FGF14: variants seen among roughly 807,000 people sequenced by gnomAD.
The protein encoded by FGF14 is fibroblast growth factor homologous factor 4.
In FGF14, 5 loss-of-function variants were observed where a neutral mutation model predicts 25.5. The observed-to-expected ratio is 0.20, with a 90% CI of 0.10 to 0.41. FGF14 has a LOEUF of 0.41. Among genes scored for constraint, FGF14 ranks in the 10% least tolerant of loss-of-function variants. The pLI is 1.00. For missense variants in FGF14, 222 were observed against 320.1 expected, an observed-to-expected ratio of 0.69 and a Z score of 2.34; for synonymous variants, 138 against 118.3, an observed-to-expected ratio of 1.17 and a Z score of -1.08.
intron 1 of FGF14, among the ~76,000 whole-genome samples, chr13:102,172,326 C>T (rs1439082634): frequency 6.6e-6 from 1 of 151,992 alleles, no homozygotes; most frequent in Non-Finnish European, 1.5e-5. Context: ...TATTAGCATG[C>T]CAATGATGAC....
intron 1 of FGF14, among the ~76,000 whole-genome samples, chr13:102,182,826 T>G (rs1031952153): frequency 2.0e-5 from 3 of 152,212 alleles, no homozygotes; most frequent in Non-Finnish European, 4.4e-5. Context: ...AAGATTTGTA[T>G]AGTTGTACTT....
At chr13:101,941,396 A>C (rs972582303) in intron 1 of FGF14, among the ~76,000 whole-genome samples, 1 of 152,360 alleles carries the variant, frequency 6.6e-6, no homozygotes, top group African/African-American at 2.4e-5. Context: ...AGTTATAATA[A>C]CACGATAAGA....
intron 1 of FGF14, among the ~76,000 whole-genome samples, chr13:101,969,378 A>G (rs1034508412): frequency 3.3e-5 from 5 of 152,158 alleles, no homozygotes; most frequent in Admixed American, 1.3e-4. Context: ...CCTGGCTAAC[A>G]CGGTGAATCC....
chr13:102,310,711 GGGGGTT>G, intron 1 of FGF14, among the ~76,000 whole-genome samples: 1 of 23,228 alleles, frequency 4.3e-5, no homozygotes, highest in Non-Finnish European at 1.0e-4. Flanking sequence ...GGGGGGGGGT[GGGGGTT>G]GTTTAACTGC....
intron 1 of FGF14, among the ~76,000 whole-genome samples, chr13:102,325,720 C>G (rs1199864454): frequency 6.6e-6 from 1 of 152,180 alleles, no homozygotes; most frequent in Non-Finnish European, 1.5e-5. Flanking sequence ...CTCGGTCACA[C>G]TATGTGCTCT....
chr13:102,109,807 A>G (rs963009722), intron 1 of FGF14, among the ~76,000 whole-genome samples: 3 of 152,080 alleles, frequency 2.0e-5, no homozygotes, highest in African/African-American at 7.2e-5. Context: ...TTTAGTAGAG[A>G]TGGGCTTTCA....
intron 3 of FGF14, among the ~76,000 whole-genome samples, chr13:101,739,748 A>AAG (rs1247213297): frequency 6.6e-6 from 1 of 152,198 alleles, no homozygotes; most frequent in Non-Finnish European, 1.5e-5. Flanking sequence ...AGGGTGAGGG[A>AAG]AGAGAGAGAC....
intron 1 of FGF14, among the ~76,000 whole-genome samples, chr13:102,296,239 T>C (rs2054703949): frequency 6.6e-6 from 1 of 152,194 alleles, no homozygotes; most frequent in African/African-American, 2.4e-5. Flanking sequence ...TTGTGTTCTA[T>C]ATTAAAATGT....
At chr13:101,868,259 C>G (rs974461217) in intron 3 of FGF14, 1 of 182,894 alleles carries the variant, frequency 5.5e-6, no homozygotes, top group East Asian at 1.5e-4. Context: ...AATATTACCA[C>G]AAAACACAGA....
At chr13:101,920,407 A>G (rs2033913414), upstream of FGF14, among the ~76,000 whole-genome samples, 1 of 152,116 alleles carries the variant, frequency 6.6e-6, no homozygotes, top group Non-Finnish European at 1.5e-5. Flanking sequence ...ATGACCTCCA[A>G]GGTGTTGCTT....
At chr13:102,344,128 C>T (rs1000439455) in intron 1 of FGF14, among the ~76,000 whole-genome samples, 4 of 152,292 alleles carry the variant, frequency 2.6e-5, no homozygotes, top group Non-Finnish European at 4.4e-5. Flanking sequence ...CAATCACTTA[C>T]GAAATGATCC....
chr13:102,355,612 T>C (rs181947434), intron 1 of FGF14, among the ~76,000 whole-genome samples: 1 of 150,662 alleles, frequency 6.6e-6, no homozygotes, highest in Non-Finnish European at 1.5e-5. Context: ...CAATCTGCCC[T>C]TCCCATGAAT....
intron 1 of FGF14, among the ~76,000 whole-genome samples, chr13:102,295,348 G>C (rs1226433373): frequency 1.3e-5 from 2 of 152,122 alleles, no homozygotes; most frequent in African/African-American, 2.4e-5. Context: ...ACCATGCACT[G>C]TGATATCTAA....
At chr13:102,044,820 G>T (rs546588283) in intron 1 of FGF14, among the ~76,000 whole-genome samples, 13 of 152,136 alleles carry the variant, frequency 8.5e-5, no homozygotes, top group Middle Eastern at 3.4e-3. Flanking sequence ...ATTTTATTTG[G>T]CCAGATGCAT....
intron 1 of FGF14, among the ~76,000 whole-genome samples, chr13:102,231,382 C>G (rs552183448): frequency 1.3e-5 from 2 of 152,130 alleles, no homozygotes; most frequent in African/African-American, 4.8e-5. Flanking sequence ...TCTTTGTGAA[C>G]AGCAGTGACA....
intron 3 of FGF14, among the ~76,000 whole-genome samples, chr13:101,837,952 G>T (rs772044917): frequency 6.6e-6 from 1 of 151,890 alleles, no homozygotes; most frequent in Non-Finnish European, 1.5e-5. Context: ...GCAGAAGAAC[G>T]TGGAGAGACT....
chr13:102,112,521 A>C (rs544609708), intron 1 of FGF14, among the ~76,000 whole-genome samples: 1 of 152,324 alleles, frequency 6.6e-6, no homozygotes, highest in Non-Finnish European at 1.5e-5. Flanking sequence ...CTCTTTCAAA[A>C]CCCATGTTTT....
intron 1 of FGF14, chr13:102,394,751 C>G (rs2058533699): frequency 6.6e-6 from 1 of 152,356 alleles, no homozygotes; most frequent in African/African-American, 2.4e-5. Flanking sequence ...GGAGGAAGCC[C>G]GTGCCTGGCC....
Position 101,872,115 on chromosome 13 carries a change from A to G in FGF14, c.304+3071T>C, listed in dbSNP as rs918112348. ...GGAAATGTATTGAACTCAATTCATG[A>G]AGATACGAAAGTTCAAGCCCTCAAT... On this transcript the variant is annotated intron_variant, in intron 2 of 4. Transcript: ENST00000376143. 2.6e-5 allele frequency among the ~76,000 whole-genome samples: 4 copies of G among 151,868 alleles called. No homozygotes were observed. The South Asian group carries it at 8.3e-4, about 32-fold the overall frequency.
Sources: gnomAD v4.1 joint callset for allele counts (sites outside exome capture counted in the v4.1 genomes callset) on GRCh38, gnomAD v4.1.1 for gene constraint, MANE v1.5 for transcripts, NCBI Gene and HGNC (gene_info 2026-07-23, HGNC 2026-07-21) for gene names.